FTCDNL1: variants seen among roughly 807,000 people sequenced by gnomAD.
FTCDNL1 encodes formiminotransferase cyclodeaminase N-terminal like, also known as formiminotransferase N-terminal subdomain-containing protein.
Under a neutral mutation model 5.9 loss-of-function variants are expected in FTCDNL1, and 11 were observed. The observed-to-expected ratio is 1.87, with a 90% CI of 1.18 to 3.10. The LOEUF is 3.10. Ranked by LOEUF, FTCDNL1 falls within the 30% of genes most tolerant of loss-of-function variation. The pLI is 0.00. For missense variants in FTCDNL1, 115 were observed against 65.5 expected, an observed-to-expected ratio of 1.76 and a Z score of -2.61; for synonymous variants, 58 against 24.8, an observed-to-expected ratio of 2.34 and a Z score of -3.99.
the FTCDNL1 span, among the ~76,000 whole-genome samples, chr2:199,669,192 G>GT: frequency 0.012 from 1,752 of 152,226 alleles, 36 homozygotes; most frequent in African/African-American, 0.04. Context: ...ACAGAGCATT[G>GT]TTAACTAAAT....
the FTCDNL1 span, among the ~76,000 whole-genome samples, chr2:199,687,361 A>C: frequency 6.6e-6 from 1 of 152,236 alleles, no homozygotes; most frequent in African/African-American, 2.4e-5. Flanking sequence ...CACTTGCAAC[A>C]TACCAATGTT....
At chr2:199,839,543 G>C (rs1301106899) in intron 3 of FTCDNL1, among the ~76,000 whole-genome samples, 1 of 152,150 alleles carries the variant, frequency 6.6e-6, no homozygotes, top group African/African-American at 2.4e-5. Context: ...TAATTCAAAA[G>C]AATTGTCCAG....
At chr2:199,839,900 A>AT (rs1232346606) in intron 3 of FTCDNL1, among the ~76,000 whole-genome samples, 2 of 151,974 alleles carry the variant, frequency 1.3e-5, no homozygotes, top group Admixed American at 6.6e-5. Flanking sequence ...AATGTACTTC[A>AT]TTTTTTTTCA....
At chr2:199,812,826 A>AT (rs1192536254) in intron 4 of FTCDNL1, 102 bp from the exon 5 acceptor site, 5 of 596,478 alleles carry the variant, frequency 8.4e-6, no homozygotes, top group East Asian at 2.9e-5. Flanking sequence ...CTAGTTAAAT[A>AT]TTTTTTTATC....
chr2:199,721,924 C>A, the FTCDNL1 span, among the ~76,000 whole-genome samples: 1 of 152,164 alleles, frequency 6.6e-6, no homozygotes, highest in Non-Finnish European at 1.5e-5. Context: ...TAGATGTCTT[C>A]TTTTGAGAAG....
At chr2:199,735,537 C>G in the FTCDNL1 span, among the ~76,000 whole-genome samples, 1 of 152,038 alleles carries the variant, frequency 6.6e-6, no homozygotes, top group African/African-American at 2.4e-5. Context: ...TTCCATGCTT[C>G]CTTGGTTTTT....
the FTCDNL1 span, among the ~76,000 whole-genome samples, chr2:199,699,427 G>A: frequency 1.3e-5 from 2 of 151,952 alleles, no homozygotes; most frequent in East Asian, 3.9e-4. Context: ...GCACTCCAGC[G>A]TGGGTGTTAG....
chr2:199,675,526 A>G, the FTCDNL1 span, among the ~76,000 whole-genome samples: 5 of 152,308 alleles, frequency 3.3e-5, no homozygotes, highest in East Asian at 9.6e-4. Flanking sequence ...ACTCAAAATT[A>G]CAGTGCTTTA....
intron 3 of FTCDNL1, among the ~76,000 whole-genome samples, chr2:199,769,005 C>T (rs1180620409): frequency 6.6e-6 from 1 of 152,138 alleles, no homozygotes; most frequent in African/African-American, 2.4e-5. Context: ...TACGGTGCTG[C>T]AATCAAGGGG....
intron 3 of FTCDNL1, chr2:199,760,934 G>A (rs1218008323): frequency 1.4e-6 from 1 of 693,134 alleles, no homozygotes; most frequent in Non-Finnish European, 2.6e-6. Flanking sequence ...TTGCTTCACT[G>A]TCTGGCTGAC....
Position 199,775,493 on chromosome 2 carries a change from T to C in FTCDNL1, c.212-14658A>G, listed in dbSNP as rs530041198. On this transcript the variant is annotated intron_variant, in intron 3 of 3. Transcript: ENST00000416668. Reference sequence around the variant, plus strand: ...CAACTCCGTTAAGGCCAGGAGCAATTTCCTGTGGGGACTCAGCTGCACAGT... The same window carrying C: ...CAACTCCGTTAAGGCCAGGAGCAATCTCCTGTGGGGACTCAGCTGCACAGT... Among the ~76,000 whole-genome samples, 46 of 152,246 alleles carry C rather than the reference T, an allele frequency of 3.0e-4. No homozygotes were observed. In the South Asian group the frequency reaches 9.3e-3, roughly 31 times the overall value.
the FTCDNL1 span, among the ~76,000 whole-genome samples, chr2:199,754,428 G>C: frequency 6.6e-6 from 1 of 152,160 alleles, no homozygotes; most frequent in East Asian, 1.9e-4. Context: ...CAGCATATCA[G>C]GGCTGGTGGC....
chr2:199,664,741 A>C, the FTCDNL1 span, among the ~76,000 whole-genome samples: 1 of 152,234 alleles, frequency 6.6e-6, no homozygotes, highest in African/African-American at 2.4e-5. Context: ...GAGCCAAGGC[A>C]TGTGTCTTCC....
the FTCDNL1 span, among the ~76,000 whole-genome samples, chr2:199,755,462 T>C: frequency 5.3e-5 from 8 of 152,250 alleles, no homozygotes; most frequent in Non-Finnish European, 1.0e-4. Context: ...CATCTAGCCT[T>C]GAACTCTAGG....
chr2:199,791,779 T>G (rs1468169342), intron 3 of FTCDNL1, among the ~76,000 whole-genome samples: 1 of 152,178 alleles, frequency 6.6e-6, no homozygotes, highest in African/African-American at 2.4e-5. Flanking sequence ...AGAAAAATTT[T>G]TGATGGTGCA....
downstream of FTCDNL1, among the ~76,000 whole-genome samples, chr2:199,759,385 C>CTTAAAT (rs1698183839): frequency 6.6e-6 from 1 of 151,454 alleles, no homozygotes; most frequent in Non-Finnish European, 1.5e-5. Flanking sequence ...AAGAGCACTC[C>CTTAAAT]CTGCGAGTTA....
chr2:199,787,486 G>A (rs1699718576), intron 3 of FTCDNL1, among the ~76,000 whole-genome samples: 1 of 152,088 alleles, frequency 6.6e-6, no homozygotes, highest in Middle Eastern at 3.2e-3. Flanking sequence ...TCCAAGCCTT[G>A]GCAACCTTAA....
At chr2:199,837,204 T>G (rs534114851) in intron 3 of FTCDNL1, among the ~76,000 whole-genome samples, 9 of 152,328 alleles carry the variant, frequency 5.9e-5, no homozygotes, top group Non-Finnish European at 1.2e-4. Flanking sequence ...CTCTCCTTCA[T>G]AGTTAAAATG....
chr2:199,693,257 A>C, the FTCDNL1 span, among the ~76,000 whole-genome samples: 1 of 152,252 alleles, frequency 6.6e-6, no homozygotes, highest in African/African-American at 2.4e-5. Context: ...GACGTATAGA[A>C]GTAGGCTTCT....
Sources: allele counts gnomAD v4.1 joint callset (sites outside exome capture counted in the v4.1 genomes callset), GRCh38; gene constraint gnomAD v4.1.1; transcripts MANE v1.5; gene names NCBI Gene and HGNC (gene_info 2026-07-23, HGNC 2026-07-21).